Variants in NT5DC1 observed in about 807,000 individuals in gnomAD.
NT5DC1 encodes the protein 5'-nucleotidase domain containing 1.
Under a neutral mutation model 59.4 loss-of-function variants are expected in NT5DC1, and 42 were observed. The observed-to-expected ratio is 0.71, with a 90% CI of 0.55 to 0.92. NT5DC1 has a LOEUF of 0.92. Ranked by LOEUF, NT5DC1 falls within the 40% of genes least tolerant of loss-of-function variation. The probability of loss-of-function intolerance (pLI) is 0.00; values close to 1 mark genes in which losing one functional copy is unlikely to be tolerated. For missense variants in NT5DC1, 501 were observed against 537.1 expected, an observed-to-expected ratio of 0.93 and a Z score of 0.66; for synonymous variants, 172 against 188.1, an observed-to-expected ratio of 0.91 and a Z score of 0.70.
chr6:116,178,072 T>C (rs966808260), intron 6 of NT5DC1, among the ~76,000 whole-genome samples: 4 of 110,232 alleles, frequency 3.6e-5, no homozygotes, highest in South Asian at 2.8e-4. Context: ...TGTGTGTGTG[T>C]GTGTGTGTGT....
intron 9 of NT5DC1, 86 bp downstream of exon 9, chr6:116,237,170 C>A: frequency 1.3e-6 from 1 of 767,882 alleles, no homozygotes; most frequent in South Asian, 1.5e-5. Context: ...CTTAATTCTT[C>A]TGCTTAAATA....
chr6:116,240,351 TATA>T (rs1180686553), intron 11 of NT5DC1, among the ~76,000 whole-genome samples: 6 of 152,340 alleles, frequency 3.9e-5, no homozygotes, highest in African/African-American at 7.2e-5. Flanking sequence ...AAAAATATAG[TATA>T]ATAACTATTT....
At chr6:116,103,022 C>A (rs1018940438) in intron 1 of NT5DC1, among the ~76,000 whole-genome samples, 2 of 152,216 alleles carry the variant, frequency 1.3e-5, no homozygotes, top group African/African-American at 4.8e-5. Flanking sequence ...AGCCCACCTT[C>A]AGTTTTCCAC....
intron 1 of NT5DC1, among the ~76,000 whole-genome samples, chr6:116,102,334 T>G (rs1778676815): frequency 1.3e-5 from 2 of 152,230 alleles, no homozygotes; most frequent in African/African-American, 4.8e-5. Flanking sequence ...TTAAATGTCC[T>G]TTTTCTGCTG....
intron 6 of NT5DC1, among the ~76,000 whole-genome samples, chr6:116,217,109 T>C (rs1436484643): frequency 2.0e-5 from 3 of 152,178 alleles, no homozygotes; most frequent in Admixed American, 6.6e-5. Flanking sequence ...TCAGTGATGA[T>C]AGAAATAGTG....
intron 4 of NT5DC1, among the ~76,000 whole-genome samples, chr6:116,115,266 T>C (rs886143019): frequency 6.6e-6 from 1 of 152,170 alleles, no homozygotes; most frequent in East Asian, 1.9e-4. Flanking sequence ...TACAGTACTC[T>C]AGGAGGGGTC....
intron 6 of NT5DC1, among the ~76,000 whole-genome samples, chr6:116,154,075 G>A (rs1481329532): frequency 2.1e-5 from 3 of 140,468 alleles, no homozygotes; most frequent in Admixed American, 7.3e-5. Context: ...TGGGCTAATT[G>A]AAGTGATTGA....
At chr6:116,123,978 A>G (rs1255598670) in intron 6 of NT5DC1, among the ~76,000 whole-genome samples, 1 of 152,180 alleles carries the variant, frequency 6.6e-6, no homozygotes, top group Non-Finnish European at 1.5e-5. Flanking sequence ...GCTGTTTGTC[A>G]TAGCATTTCA....
rs557824352 is a variant in NT5DC1, at chr6:116,119,894, G to A, written c.529+1949G>A. 70 of 631,250 alleles carry A rather than the reference G, an allele frequency of 1.1e-4. 1 individual carries two copies. Among genetic ancestry groups the A allele is most frequent in the African/African-American group, 6.8e-4 (37 of 54,636 alleles). 39.1% of individuals were successfully genotyped at this position (631,250 alleles called of 1,614,324 possible). A position where few individuals can be genotyped will look rare whatever the true frequency, so the allele number is the denominator to read the frequency against. On this transcript the variant is annotated intron_variant, in intron 6 of 11. Transcript: ENST00000319550. The stretch of plus-strand genomic sequence containing the variant: ...GAAATTCAAGAGAGGCTTCACATAC[G>A]TTTTTACGTTGCTGCTCACTTTTCA...
intron 6 of NT5DC1, among the ~76,000 whole-genome samples, chr6:116,204,171 T>TCC (rs1405863203): frequency 6.6e-6 from 1 of 151,896 alleles, no homozygotes; most frequent in Non-Finnish European, 1.5e-5. Context: ...AAGAAACACT[T>TCC]CAGGAGTTAA....
At chr6:116,211,429 A>G (rs1298876786) in intron 6 of NT5DC1, among the ~76,000 whole-genome samples, 1 of 152,106 alleles carries the variant, frequency 6.6e-6, no homozygotes, top group Non-Finnish European at 1.5e-5. Flanking sequence ...AGTGTATCAT[A>G]TATAAGAAAA....
intron 11 of NT5DC1, 96 bp from the exon 12 acceptor site, chr6:116,243,812 TA>T (rs1198000046): frequency 1.8e-6 from 1 of 549,544 alleles, no homozygotes; most frequent in Non-Finnish European, 3.3e-6. Context: ...ATTTTACGTC[TA>T]AAAAATAAGT....
chr6:116,105,510 G>A (rs1778751063), intron 1 of NT5DC1, among the ~76,000 whole-genome samples: 1 of 152,182 alleles, frequency 6.6e-6, no homozygotes, highest in African/African-American at 2.4e-5. Flanking sequence ...ACACTTCGAG[G>A]TAGAATAAGG....
In NT5DC1 at chr6:116,111,061, G is replaced by C. The variant is rs980453502; in HGVS notation, c.364+105G>C. 14 of 733,688 alleles carry C rather than the reference G, an allele frequency of 1.9e-5. 1 individual carries two copies. The highest frequency in any genetic ancestry group is 1.5e-4 in the Admixed American group (6 of 40,392). 45.4% of individuals were successfully genotyped at this position (733,688 alleles called of 1,614,324 possible). ...GACCCCCCTTTCCCCTGCTGGGCAG[G>C]ATGCCAAAGGGAGCAGCTTCAGCTT... On this transcript the variant is annotated intron_variant, in intron 4 of 11. Coordinates refer to ENST00000319550, the MANE Select transcript of NT5DC1 (RefSeq NM_152729.3).
intron 8 of NT5DC1, among the ~76,000 whole-genome samples, chr6:116,230,444 A>G (rs1412649485): frequency 1.3e-5 from 2 of 152,194 alleles, no homozygotes; most frequent in African/African-American, 4.8e-5. Context: ...TGTTCTCGCT[A>G]TTCTGTCAAC....
intron 6 of NT5DC1, among the ~76,000 whole-genome samples, chr6:116,182,306 G>C (rs576352812): frequency 1.5e-4 from 23 of 151,360 alleles, no homozygotes; most frequent in Non-Finnish European, 3.4e-4. Flanking sequence ...CATTTGGGCT[G>C]GTTCCACATT....
At chr6:116,132,362 C>T (rs1351894387) in intron 6 of NT5DC1, among the ~76,000 whole-genome samples, 1 of 152,084 alleles carries the variant, frequency 6.6e-6, no homozygotes, top group Non-Finnish European at 1.5e-5. Flanking sequence ...TAGCTTAGAC[C>T]ATTTCTCTAG....
chr6:116,226,241 CAATA>C (rs1781907450), intron 8 of NT5DC1, among the ~76,000 whole-genome samples: 1 of 151,956 alleles, frequency 6.6e-6, no homozygotes, highest in Non-Finnish European at 1.5e-5. Context: ...AGTAAGTACC[CAATA>C]AATATTTGTT....
At chr6:116,154,793 A>C (rs759791765) in intron 6 of NT5DC1, among the ~76,000 whole-genome samples, 11 of 152,250 alleles carry the variant, frequency 7.2e-5, no homozygotes, top group Non-Finnish European at 1.3e-4. Flanking sequence ...TTTACGCCTC[A>C]GGATTAATAA....
Sources: allele counts gnomAD v4.1 joint callset (sites outside exome capture counted in the v4.1 genomes callset), GRCh38; gene constraint gnomAD v4.1.1; transcripts MANE v1.5; gene names NCBI Gene and HGNC (gene_info 2026-07-23, HGNC 2026-07-21).